Variants in MED26 observed in about 807,000 individuals in gnomAD.
MED26 encodes mediator complex subunit 26, also known as mediator of RNA polymerase II transcription subunit 26.
In MED26, 7 loss-of-function variants were observed where a neutral mutation model predicts 43.7. The ratio of observed to expected loss-of-function variants is 0.16; its 90% CI spans 0.09 to 0.30. The LOEUF (loss-of-function observed/expected upper bound fraction) is 0.30, where lower values mean the gene tolerates loss of function less well. MED26 is among the 10% of genes least tolerant of loss of function. The probability of loss-of-function intolerance (pLI) is 1.00; values close to 1 mark genes in which losing one functional copy is unlikely to be tolerated. For synonymous variants in MED26, 375 were observed against 371.1 expected, an observed-to-expected ratio of 1.01 and a Z score of -0.12; for missense variants, 784 against 840.6, an observed-to-expected ratio of 0.93 and a Z score of 0.83.
intron 1 of MED26, among the ~76,000 whole-genome samples, chr19:16,582,312 T>A (rs1418171968): frequency 6.6e-6 from 1 of 152,142 alleles, no homozygotes; most frequent in African/African-American, 2.4e-5. Context: ...GACACAGGCC[T>A]CCCAGGCCCA....
At chr19:16,619,223 C>T (rs1243863190) in intron 1 of MED26, among the ~76,000 whole-genome samples, 3 of 152,316 alleles carry the variant, frequency 2.0e-5, no homozygotes, top group Non-Finnish European at 4.4e-5. Flanking sequence ...ATCAGTATCA[C>T]GGGTCTCCCA....
chr19:16,575,947 G>A lies in MED26; in HGVS notation c.*80C>T. 9.3e-6 allele frequency: 13 copies of A among 1,390,630 alleles called. No homozygotes were observed. Among genetic ancestry groups the A allele is most frequent in the Non-Finnish European group, 1.3e-5 (13 of 1,013,830 alleles). The allele number at this position is 1,390,630 out of a possible 1,614,324, so 86.1% of individuals were successfully genotyped here. On this transcript the variant is annotated 3_prime_UTR_variant, in exon 3 of 3. Coordinates refer to ENST00000263390, the MANE Select transcript of MED26 (RefSeq NM_004831.5). The stretch of plus-strand genomic sequence containing the variant: ...AGTTCCCAGCGCAGGAGGCAGCTGG[G>A]CCCCGGCCACCTGCCCACCTGCCTG...
In MED26 at chr19:16,575,253, AAAAAG is replaced by A. The variant is rs1370409470; in HGVS notation, c.*769_*773del. 4 of 152,688 alleles carry A rather than the reference AAAAAG, an allele frequency of 2.6e-5. No individual in the cohort carries two copies. The highest frequency in any genetic ancestry group is 5.9e-5 in the Non-Finnish European group (4 of 68,058). The allele number at this position is 152,688 out of a possible 1,614,324, so 9.5% of individuals were successfully genotyped here. ...TTTTCTAGATGTGTACAGGAAGGGAAAAAAGAAAAGGGAGGAAGAAAGGAAAGGTT... is the reference window on the plus strand; with the variant it reads ...TTTTCTAGATGTGTACAGGAAGGGAAAAAAGGGAGGAAGAAAGGAAAGGTT... On this transcript the variant is annotated 3_prime_UTR_variant, in exon 3 of 3. Transcript: ENST00000263390.
At chr19:16,606,638 A>C (rs567467068) in intron 1 of MED26, among the ~76,000 whole-genome samples, 5 of 152,372 alleles carry the variant, frequency 3.3e-5, no homozygotes, top group African/African-American at 9.6e-5. Flanking sequence ...GCGGGGGATA[A>C]GCAAATGTGG....
intron 1 of MED26, among the ~76,000 whole-genome samples, chr19:16,581,557 A>G (rs2086045713): frequency 6.6e-6 from 1 of 152,270 alleles, no homozygotes; most frequent in Admixed American, 6.5e-5. Context: ...AGACCCAGCT[A>G]GCCTGGTGGC....
chr19:16,598,377 T>G (rs916297163), intron 1 of MED26, among the ~76,000 whole-genome samples: 2 of 147,974 alleles, frequency 1.4e-5, no homozygotes, highest in Non-Finnish European at 3.0e-5. Context: ...CCCTGGAGCT[T>G]CCAGAGCCCA....
chr19:16,591,582 A>C (rs1303437175), intron 1 of MED26, among the ~76,000 whole-genome samples: 1 of 152,100 alleles, frequency 6.6e-6, no homozygotes, highest in Admixed American at 6.5e-5. Context: ...ACTTACACAC[A>C]CACCCCCTTG....
At chr19:16,627,477 G>T (rs1482282967) in intron 1 of MED26, among the ~76,000 whole-genome samples, 4 of 152,252 alleles carry the variant, frequency 2.6e-5, no homozygotes, top group Admixed American at 6.5e-5. Flanking sequence ...GACACCAGTT[G>T]CTTCACAGCC....
At chr19:16,591,095 A>G (rs934740314) in intron 1 of MED26, among the ~76,000 whole-genome samples, 4 of 150,732 alleles carry the variant, frequency 2.7e-5, no homozygotes, top group South Asian at 2.1e-4. Flanking sequence ...AAATAAATAA[A>G]GCTATTAAAA....
rs2086072144 is a variant in MED26 at position 16,586,676 on chromosome 19, A to C, written c.73-8267T>G. On this transcript the variant is annotated intron_variant, in intron 1 of 2. Coordinates refer to ENST00000263390, the MANE Select transcript of MED26 (RefSeq NM_004831.5). This position sits in a 1 kb window ranked among gnomAD's most constrained non-coding sequence, Gnocchi z 5.1. ...TCCCCACCGGGCTGGCCCTGGGAAC[A>C]GTGCACATGGAGCACAGACTGCAGT... is the stretch of plus-strand genomic sequence containing the variant. 6.6e-6 allele frequency among the ~76,000 whole-genome samples: 1 copy of C among 152,212 alleles called. No individual in the cohort carries two copies. The highest frequency in any genetic ancestry group is 6.5e-5 in the Admixed American group (1 of 15,286).
chr19:16,608,885 C>A (rs906125859), intron 1 of MED26, among the ~76,000 whole-genome samples: 1 of 152,130 alleles, frequency 6.6e-6, no homozygotes, highest in Non-Finnish European at 1.5e-5. Context: ...GTTAATAATG[C>A]AATTAAACTT....
intron 1 of MED26, among the ~76,000 whole-genome samples, chr19:16,591,661 C>T (rs1031863233): frequency 3.3e-5 from 5 of 152,156 alleles, no homozygotes; most frequent in Non-Finnish European, 4.4e-5. Context: ...TTCCTACACT[C>T]GAGAAAAGGC....
rs185326876 is a variant in MED26 at position 16,585,001 on chromosome 19, C to T, written c.73-6592G>A. Reference sequence around the variant, plus strand: ...GGCCCCTGAGTGGGGCAGCAAGGGCCGAGGGCTGGGTAGGATGCCACCTCC... The same window carrying T: ...GGCCCCTGAGTGGGGCAGCAAGGGCTGAGGGCTGGGTAGGATGCCACCTCC... On this transcript the variant is annotated intron_variant, in intron 1 of 2. Transcript: ENST00000263390. Among the ~76,000 whole-genome samples the T allele has an allele frequency of 1.3e-3, 203 of 152,238 alleles. 1 individual carries two copies. Among genetic ancestry groups the T allele is most frequent in the African/African-American group, 4.7e-3 (196 of 41,526 alleles).
rs2086036572 is a variant in MED26 at position 16,579,999 on chromosome 19, A to G, written c.73-1590T>C. 2.0e-5 allele frequency among the ~76,000 whole-genome samples: 3 copies of G among 152,192 alleles called. No individual in the cohort carries two copies. The South Asian group carries it at 6.2e-4, about 31-fold the overall frequency. Reference sequence around the variant, plus strand: ...CCAGAGTGGGGAAGGCCCGACTTGAATGCTGTGGGACACTTAGGCACTTTC... The same window carrying G: ...CCAGAGTGGGGAAGGCCCGACTTGAGTGCTGTGGGACACTTAGGCACTTTC... On this transcript the variant is annotated intron_variant, in intron 1 of 2. Transcript: ENST00000263390.
At chr19:16,585,721 C>T (rs773446641) in intron 1 of MED26, among the ~76,000 whole-genome samples, 14 of 152,250 alleles carry the variant, frequency 9.2e-5, no homozygotes, top group Non-Finnish European at 1.6e-4. Context: ...GAAGACTAGA[C>T]TCTTCTGAAA....
chr19:16,606,793 C>T (rs929587903), intron 1 of MED26, among the ~76,000 whole-genome samples: 1 of 152,192 alleles, frequency 6.6e-6, no homozygotes, highest in Admixed American at 6.5e-5. Context: ...CACCAAGAAG[C>T]AATGTTGGTG....
Position 16,627,953 on chromosome 19 carries a change from G to T in MED26, c.-10C>A. 6.9e-7 allele frequency: 1 copy of T among 1,453,394 alleles called. No individual in the cohort carries two copies. Among genetic ancestry groups the T allele is most frequent in the Non-Finnish European group, 9.1e-7 (1 of 1,100,588 alleles). 90.0% of individuals were successfully genotyped at this position (1,453,394 alleles called of 1,614,324 possible). A position where few individuals can be genotyped will look rare whatever the true frequency, so the allele number is the denominator to read the frequency against. On this transcript the variant is annotated 5_prime_UTR_variant, in exon 1 of 3. Transcript: ENST00000263390. ...CCGGAGCCGCTGTCATTGCCTGGGC[G>T]AGGCGGGGGGTTGCGGCCGGGCCAG...
chr19:16,619,729 C>T (rs959429170), intron 1 of MED26, among the ~76,000 whole-genome samples: 1 of 152,174 alleles, frequency 6.6e-6, no homozygotes, highest in African/African-American at 2.4e-5. Context: ...ACAGAACCCC[C>T]ACCAGAGTCA....
chr19:16,609,740 A>G (rs1378083120), intron 1 of MED26, among the ~76,000 whole-genome samples: 1 of 152,082 alleles, frequency 6.6e-6, no homozygotes, highest in African/African-American at 2.4e-5. Context: ...ATAAATGAAA[A>G]GATTAAAGAA....
Sources: gnomAD v4.1 joint callset for allele counts (sites outside exome capture counted in the v4.1 genomes callset) on GRCh38, gnomAD v4.1.1 for gene constraint, Gnocchi (gnomAD v3.1) non-coding constraint, MANE v1.5 for transcripts, NCBI Gene and HGNC (gene_info 2026-07-23, HGNC 2026-07-21) for gene names.